SPDYE1: variants seen among roughly 807,000 people sequenced by gnomAD.
The protein encoded by SPDYE1 is speedy/RINGO cell cycle regulator family member E1.
In SPDYE1, 29 loss-of-function variants were observed where a neutral mutation model predicts 45.9. That is an observed-to-expected ratio of 0.63 (90% CI 0.47 to 0.86). The LOEUF (loss-of-function observed/expected upper bound fraction) is 0.86. Among genes scored for constraint, SPDYE1 ranks in the 40% least tolerant of loss-of-function variants. The pLI is 0.00. For missense variants in SPDYE1, 346 were observed against 481.4 expected (o/e 0.72, Z 2.63); for synonymous variants, 134 against 176.8 (o/e 0.76, Z 1.92).
rs770445416 is a variant in SPDYE1, at chr7:44,007,345, G to A, written c.830G>A (p.Arg277His). ...NIFHFLYGKN[R>H]SRIPLLRKRR... ...TTCCACTTCCTGTATGGGAAGAACC[G>A]CTCTCGCATACCCTTGCTCCGTAAG... is the stretch of plus-strand genomic sequence containing the variant. The change falls in exon 7 of 9, where the codon CGC (arginine) becomes CAC (histidine). Residue 277 changes from arginine to histidine, a missense_variant. Coordinates refer to ENST00000693451, the MANE Select transcript of SPDYE1 (RefSeq NM_001378423.2). 1.1e-5 allele frequency: 18 copies of A among 1,612,978 alleles called. No individual in the cohort carries two copies. The highest frequency in any genetic ancestry group is 3.6e-4 in the Middle Eastern group (2 of 5,592).
chr7:44,006,602 C>T (rs1174943360), intron 6 of SPDYE1, among the ~76,000 whole-genome samples: 3 of 151,774 alleles, frequency 2.0e-5, no homozygotes, highest in Non-Finnish European at 4.4e-5. Context: ...TGCCACCACA[C>T]CTGGACAGTT....
chr7:43,999,238 C>CA (rs1441903208), intron 1 of SPDYE1, among the ~76,000 whole-genome samples: 1 of 152,150 alleles, frequency 6.6e-6, no homozygotes, highest in Non-Finnish European at 1.5e-5. Context: ...TTTTAGGCCT[C>CA]AAAATGTCTC....
At chr7:44,004,915 C>G (rs1156240825) in intron 5 of SPDYE1, 5 of 619,210 alleles carry the variant, frequency 8.1e-6, no homozygotes, top group Non-Finnish European at 1.2e-5. Flanking sequence ...CCATCGGAGC[C>G]CACCATCCTG....
rs769300168 is a variant in SPDYE1, at chr7:44,001,275, A to C, written c.370A>C (p.Ser124Arg). 2.5e-6 allele frequency: 4 copies of C among 1,597,668 alleles called. No individual in the cohort carries two copies. Among genetic ancestry groups the C allele is most frequent in the Non-Finnish European group, 3.4e-6 (4 of 1,179,902 alleles). ...CCTTGAGCACCACAAGGACTTCAAC[A>C]GTCAGCTTGGTAGGAGGACACCCCA... ...ILLEHHKDFN[S>R]QLAPGVDPSP... Residue 124 changes from serine (S) to arginine (R), a missense_variant, in exon 3 of 9, where the codon AGT (serine) becomes CGT (arginine). By Grantham distance (110) the Ser-to-Arg change is moderately radical. Coordinates refer to ENST00000693451, the MANE Select transcript of SPDYE1 (RefSeq NM_001378423.2).
Position 44,007,271 on chromosome 7 carries a change from C to T in SPDYE1, c.756C>T (p.Tyr252=). 1.2e-6 allele frequency: 2 copies of T among 1,612,570 alleles called. No homozygotes were observed. Among genetic ancestry groups the T allele is most frequent in the Non-Finnish European group, 8.5e-7 (1 of 1,179,964 alleles). ...GCAACCTGATTCCTGTCCTCAGCTA[C>T]CTGGCCAATGACATGGAGGAGGACG... is the stretch of plus-strand genomic sequence containing the variant. ...YQRLHFFLAL[Y]LANDMEEDDE... Residue 252 remains tyrosine (Y), a synonymous_variant, in exon 7 of 9, where the codon TAC becomes TAT. Transcript: ENST00000693451.
rs1585930107 is a variant in SPDYE1 at position 44,001,093 on chromosome 7, G to A, written c.188G>A (p.Cys63Tyr). ...CCTGGGGTAGATCCCAGCCCCCCAT[G>A]TAGGTCCCTTGGCTGGAAAAGGAAG... ...SAPGVDPSPP[C>Y]RSLGWKRKRE... The change falls in exon 3 of 9, where the codon TGT becomes TAT. Residue 63 changes from cysteine to tyrosine, a missense_variant. Cys to Tyr is a radical substitution (Grantham distance 194). Around this residue, in one of 4 missense-constraint regions of SPDYE1, gnomAD observed 141 missense variants for 176.7 expected, o/e 0.80. Coordinates refer to ENST00000693451, the MANE Select transcript of SPDYE1 (RefSeq NM_001378423.2). 1 of 1,597,914 alleles carries A rather than the reference G, an allele frequency of 6.3e-7. No individual in the cohort carries two copies.
chr7:44,002,319 C>CAAAAAAAAA (rs57275170), intron 3 of SPDYE1, among the ~76,000 whole-genome samples: 14 of 43,242 alleles, frequency 3.2e-4, no homozygotes, highest in African/African-American at 4.3e-4. Flanking sequence ...ACAACAACAA[C>CAAAAAAAAA]AAAAAAAAAA....
chr7:44,007,680 G>A (rs766119242), intron 7 of SPDYE1, 29 bp from the exon 8 acceptor site: 91 of 1,610,712 alleles, frequency 5.6e-5, no homozygotes, highest in African/African-American at 9.4e-5. Context: ...GCGAGTCCCC[G>A]TCTTCTCAAA....
intron 6 of SPDYE1, 124 bp downstream of exon 6, chr7:44,005,351 A>G: frequency 7.3e-7 from 1 of 1,371,626 alleles, no homozygotes; most frequent in Non-Finnish European, 1.0e-6. Flanking sequence ...TACAAAAAAG[A>G]GAGGATTATA....
At chr7:44,001,893 T>G (rs577879781) in intron 3 of SPDYE1, among the ~76,000 whole-genome samples, 2 of 149,162 alleles carry the variant, frequency 1.3e-5, no homozygotes, top group African/African-American at 5.0e-5. Flanking sequence ...TGAGCCAAGA[T>G]AGTGCCACTG....
chr7:44,005,029 T>C, intron 5 of SPDYE1, 113 bp from the exon 6 acceptor site: 1 of 1,247,930 alleles, frequency 8.0e-7, no homozygotes, highest in Non-Finnish European at 1.2e-6. Flanking sequence ...ACCCCAACAC[T>C]GAGGTCCCTT....
intron 6 of SPDYE1, among the ~76,000 whole-genome samples, chr7:44,006,728 C>T (rs913750279): frequency 1.6e-4 from 25 of 152,208 alleles, no homozygotes; most frequent in African/African-American, 5.8e-4. Flanking sequence ...AATTCTTATG[C>T]TTCAGCCTCC....
rs1170655206 is a variant in SPDYE1, at chr7:43,999,554, G to C, written c.-396G>C. The stretch of plus-strand genomic sequence containing the variant: ...CTGGACTCTGAAATGGGCACGTACA[G>C]AGACGAAGAGACCCCAACATGCTTC... On this transcript the variant is annotated 5_prime_UTR_variant, in exon 2 of 9. Coordinates refer to ENST00000693451, the MANE Select transcript of SPDYE1 (RefSeq NM_001378423.2). Among the ~76,000 whole-genome samples the C allele has an allele frequency of 6.6e-6, 1 of 152,100 alleles. No homozygotes were observed. The highest frequency in any genetic ancestry group is 1.5e-5 in the Non-Finnish European group (1 of 68,038).
Position 44,009,053 on chromosome 7 carries a change from C to A in SPDYE1, c.*432C>A. On this transcript the variant is annotated 3_prime_UTR_variant, in exon 9 of 9. Coordinates refer to ENST00000693451, the MANE Select transcript of SPDYE1 (RefSeq NM_001378423.2). ...CACAATGCAGGGGCTCAGATTGGCA[C>A]AGAATTCTTTTGTGAAATATCAGTG... 1 of 324,064 alleles carries A rather than the reference C, an allele frequency of 3.1e-6. No homozygotes were observed. Among genetic ancestry groups the A allele is most frequent in the Non-Finnish European group, 6.0e-6 (1 of 167,782 alleles). The allele number at this position is 324,064 out of a possible 1,614,324, so 20.1% of individuals were successfully genotyped here.
intron 3 of SPDYE1, among the ~76,000 whole-genome samples, 189 bp downstream of exon 3, chr7:44,001,473 AG>A (rs1189792730): frequency 6.6e-6 from 1 of 152,128 alleles, no homozygotes; most frequent in Admixed American, 6.6e-5. Flanking sequence ...GACTTGATAA[AG>A]GTTGGCGCTT....
chr7:44,004,132 T>G (rs1585936028), intron 5 of SPDYE1: 1 of 772,666 alleles, frequency 1.3e-6, no homozygotes, highest in Non-Finnish European at 2.0e-6. Flanking sequence ...GCCTCCTGGG[T>G]TCAAGCGATT....
chr7:44,002,072 G>T (rs1299901093), intron 3 of SPDYE1, among the ~76,000 whole-genome samples: 1 of 151,238 alleles, frequency 6.6e-6, no homozygotes, highest in Non-Finnish European at 1.5e-5. Context: ...ACTTTGGGAG[G>T]CCAGGCAGGC....
chr7:44,001,173 C>G lies in SPDYE1; in HGVS notation c.268C>G (p.Pro90Ala), dbSNP rs1282940485. 5.6e-6 allele frequency: 9 copies of G among 1,598,154 alleles called. No homozygotes were observed. The African/African-American group carries it at 1.2e-4, about 21-fold the overall frequency. The change falls in exon 3 of 9, where the codon CCT becomes GCT. Residue 90 changes from proline (P) to alanine (A), a missense_variant. By Grantham distance (27) the Pro-to-Ala change is conservative (BLOSUM62 -1). Around this residue, in one of 4 missense-constraint regions of SPDYE1, gnomAD observed 141 missense variants for 176.7 expected, o/e 0.80. Coordinates refer to ENST00000693451, the MANE Select transcript of SPDYE1 (RefSeq NM_001378423.2). The stretch of plus-strand genomic sequence containing the variant: ...GCCGGAGAAGGAGCTCGCCCCTGAG[C>G]CTGAGGAGACCTGGGTAGTGGAGAC... ...EEPEKELAPE[P>A]EETWVVETLC...
At chr7:44,002,542 G>A (rs759762117) in intron 3 of SPDYE1, 48 bp from the exon 4 acceptor site, 5 of 1,546,182 alleles carry the variant, frequency 3.2e-6, no homozygotes, top group Non-Finnish European at 4.3e-6. Flanking sequence ...GGGCTCTAGT[G>A]TGATCAACTG....
Sources: gnomAD v4.1 joint callset for allele counts (sites outside exome capture counted in the v4.1 genomes callset) on GRCh38, gnomAD v4.1.1 for gene constraint, gnomAD v4.1.1 regional missense constraint, MANE v1.5 for transcripts, NCBI Gene and HGNC (gene_info 2026-07-23, HGNC 2026-07-21) for gene names.